Variants in PCDHA10 observed in about 807,000 individuals in gnomAD.
PCDHA10 encodes the protein protocadherin alpha-10.
PCDHA10 carries 45 observed loss-of-function variants against 61.2 expected under a neutral mutation model. That is an observed-to-expected ratio of 0.74 (90% CI 0.58 to 0.94). The LOEUF (loss-of-function observed/expected upper bound fraction) is 0.94. PCDHA10 is among the 40% of genes least tolerant of loss of function. The pLI, the probability that PCDHA10 is intolerant of heterozygous loss-of-function variation, is 0.00. For synonymous variants in PCDHA10, 602 were observed against 548.8 expected (o/e 1.10, Z -1.35); for missense variants, 1,278 against 1,236.2 (o/e 1.03, Z -0.51).
At chr5:140,988,959 C>G (rs1308701267) in intron 3 of PCDHA10, 3 of 152,056 alleles carry the variant, frequency 2.0e-5, no homozygotes, top group Non-Finnish European at 4.4e-5. Context: ...CCTTCAAGCC[C>G]CACGATGGAG....
At position 140,947,043 on chromosome 5, in the gene PCDHA10, G is replaced by T. The variant is rs188994500; in HGVS notation, c.2389-31906G>T. Among the ~76,000 whole-genome samples the T allele has an allele frequency of 1.7e-3, 259 of 151,702 alleles. 2 individuals carry two copies. Among genetic ancestry groups the T allele is most frequent in the African/African-American group, 5.9e-3 (243 of 41,466 alleles). On this transcript the variant is annotated intron_variant, in intron 1 of 3. Transcript: ENST00000307360. ...AGGTAATGGATATACTAATTACCCT[G>T]ATTTGATCATTACACAGTGTATATA... is the stretch of plus-strand genomic sequence containing the variant.
chr5:140,863,595 A>T (rs976338326), intron 1 of PCDHA10: 15 of 357,408 alleles, frequency 4.2e-5, no homozygotes, highest in Admixed American at 3.4e-4. Flanking sequence ...AAAGTATTTC[A>T]TTCCTATTAA....
chr5:140,877,171 G>A (rs2056910663), intron 1 of PCDHA10: 1 of 1,613,742 alleles, frequency 6.2e-7, no homozygotes, highest in Non-Finnish European at 8.5e-7. Context: ...GGCACTGCTG[G>A]CGACTCCGGC....
At chr5:140,968,349 G>A (rs1554230631) in intron 1 of PCDHA10, 2 of 1,614,128 alleles carry the variant, frequency 1.2e-6, no homozygotes, top group Admixed American at 3.3e-5. Context: ...AACAGTGCCA[G>A]TGGCAGCCTT....
intron 1 of PCDHA10, among the ~76,000 whole-genome samples, chr5:140,912,377 A>T (rs1202586249): frequency 1.3e-5 from 2 of 149,084 alleles, no homozygotes; most frequent in Admixed American, 6.7e-5. Context: ...TGTAAAAGGG[A>T]TTGAGTTCTT....
Position 140,856,228 on chromosome 5 carries a change from G to A in PCDHA10, c.180G>A (p.Gln60=). 1 of 1,598,094 alleles carries A rather than the reference G, an allele frequency of 6.3e-7. No individual in the cohort carries two copies. The highest frequency in any genetic ancestry group is 1.7e-4 in the Middle Eastern group (1 of 5,808). Residue 60 remains glutamine (Q), a synonymous_variant, in exon 1 of 4, where the codon CAG becomes CAA. Coordinates refer to ENST00000307360, the MANE Select transcript of PCDHA10 (RefSeq NM_018901.4). The part of the protein sequence containing the change: ...DLGLELAELV[Q]RLFRVASKRH... ...GGCTGGAGCTGGCGGAGCTGGTGCA[G>A]CGCCTGTTCCGGGTGGCGTCCAAAA...
In PCDHA10 at chr5:140,986,391, G is replaced by A. The variant is rs144915625; in HGVS notation, c.2536+3828G>A. Among the ~76,000 whole-genome samples, 1,153 of 152,256 alleles carry A rather than the reference G, an allele frequency of 7.6e-3. 6 individuals are homozygous for A. Among genetic ancestry groups the A allele is most frequent in the Middle Eastern group, 0.014 (4 of 294 alleles). ...GTTTTGGGGGGAGGGACATTAAAGG[G>A]CCAGTCGCTCATGTTACAGCTCTTT... On this transcript the variant is annotated intron_variant, in intron 3 of 3. Transcript: ENST00000307360.
intron 1 of PCDHA10, among the ~76,000 whole-genome samples, chr5:140,917,832 C>T (rs1554198323): frequency 1.3e-5 from 2 of 151,488 alleles, no homozygotes; most frequent in Admixed American, 6.6e-5. Context: ...AGTGTGATGT[C>T]CTTCTTGTTC....
chr5:140,913,981 G>A (rs1222294742), intron 1 of PCDHA10, among the ~76,000 whole-genome samples: 1 of 152,090 alleles, frequency 6.6e-6, no homozygotes, highest in Non-Finnish European at 1.5e-5. Flanking sequence ...TTTAGGACTT[G>A]TATTGTGACT....
rs1554181708 is a variant in PCDHA10, at chr5:140,884,544, G to C, written c.2388+26108G>C. 1.9e-6 allele frequency: 3 copies of C among 1,614,222 alleles called. No individual in the cohort carries two copies. In the Admixed American group the frequency reaches 5.0e-5, roughly 27 times the overall value. On this transcript the variant is annotated intron_variant, in intron 1 of 3. Coordinates refer to ENST00000307360, the MANE Select transcript of PCDHA10 (RefSeq NM_018901.4). Reference sequence around the variant, plus strand: ...TCGCAGCAGAGGCGGCCGAGGGTGTGCTCTGGGGAGGGCCCGCATAAGACG... The same window carrying C: ...TCGCAGCAGAGGCGGCCGAGGGTGTCCTCTGGGGAGGGCCCGCATAAGACG...
At chr5:140,882,225 C>T (rs782533520) in intron 1 of PCDHA10, 9 of 1,559,344 alleles carry the variant, frequency 5.8e-6, no homozygotes, top group Middle Eastern at 1.7e-4. Flanking sequence ...TGAGGTAAGG[C>T]GTTGTATATA....
intron 3 of PCDHA10, among the ~76,000 whole-genome samples, chr5:140,991,593 C>T (rs2097461164): frequency 6.6e-6 from 1 of 152,196 alleles, no homozygotes; most frequent in South Asian, 2.1e-4. Flanking sequence ...TCTACCTGAG[C>T]CCTCACTGGC....
chr5:140,985,494 C>G (rs1217361161), intron 3 of PCDHA10, among the ~76,000 whole-genome samples: 2 of 152,136 alleles, frequency 1.3e-5, no homozygotes, highest in Non-Finnish European at 2.9e-5. Flanking sequence ...TCAAATAGAG[C>G]CTGCCTTTCA....
In PCDHA10 at chr5:140,883,981, C is replaced by T. The variant is rs781859248; in HGVS notation, c.2388+25545C>T. 9.3e-6 allele frequency: 15 copies of T among 1,612,896 alleles called. No homozygotes were observed. In the South Asian group the frequency reaches 1.5e-4, roughly 17 times the overall value. ...CGGCGCTGCTGACGCCCGGGGCTGG[C>T]AGCGCGGGAGGCACAGTGAGCGAGC... On this transcript the variant is annotated intron_variant, in intron 1 of 3. Coordinates refer to ENST00000307360, the MANE Select transcript of PCDHA10 (RefSeq NM_018901.4).
chr5:140,876,146 C>T, intron 1 of PCDHA10: 1 of 1,613,952 alleles, frequency 6.2e-7, no homozygotes, highest in Non-Finnish European at 8.5e-7. Context: ...CTAACAGGGT[C>T]TGTCCAGATT....
chr5:141,003,352 C>T (rs747533399), intron 3 of PCDHA10, among the ~76,000 whole-genome samples: 38 of 152,318 alleles, frequency 2.5e-4, no homozygotes, highest in Non-Finnish European at 1.5e-4. Context: ...TGCTCTGTCA[C>T]CCAGGCTGGA....
At chr5:140,875,772 G>A (rs781933974) in intron 1 of PCDHA10, 37 of 1,614,136 alleles carry the variant, frequency 2.3e-5, no homozygotes, top group South Asian at 3.3e-5. Flanking sequence ...GGCGGAGCGC[G>A]GAGTGCAGTA....
In PCDHA10 at chr5:140,882,793, C is replaced by A. The variant is rs1176435531; in HGVS notation, c.2388+24357C>A. 2.5e-6 allele frequency: 4 copies of A among 1,614,092 alleles called. No individual in the cohort carries two copies. In the Admixed American group the frequency reaches 6.7e-5, roughly 27 times the overall value. On this transcript the variant is annotated intron_variant, in intron 1 of 3. Coordinates refer to ENST00000307360, the MANE Select transcript of PCDHA10 (RefSeq NM_018901.4). ...CATTGACCTACCGACTGGATCCCAA[C>A]GATTATTTCACTTTGGACGCACAAA... is the stretch of plus-strand genomic sequence containing the variant.
chr5:141,004,604 C>A (rs1282201587), intron 3 of PCDHA10, among the ~76,000 whole-genome samples: 1 of 152,176 alleles, frequency 6.6e-6, no homozygotes, highest in African/African-American at 2.4e-5. Context: ...GTGCTTAGGC[C>A]TCATGCAGAG....
Sources: gnomAD v4.1 joint callset for allele counts (sites outside exome capture counted in the v4.1 genomes callset) on GRCh38, gnomAD v4.1.1 for gene constraint, MANE v1.5 for transcripts, NCBI Gene and HGNC (gene_info 2026-07-23, HGNC 2026-07-21) for gene names.